AIG1: variants seen among roughly 807,000 people sequenced by gnomAD.
The protein encoded by AIG1 is androgen-induced gene 1 protein.
In AIG1, 23 loss-of-function variants were observed where a neutral mutation model predicts 31.4. The observed-to-expected ratio is 0.73, with a 90% CI of 0.53 to 1.04. AIG1 has a LOEUF of 1.04. Among genes scored for constraint, AIG1 ranks in the 50% least tolerant of loss-of-function variants. The pLI, the probability that AIG1 is intolerant of heterozygous loss-of-function variation, is 0.00. For missense variants in AIG1, 274 were observed against 295.0 expected (o/e 0.93, Z 0.52); for synonymous variants, 100 against 110.5 (o/e 0.90, Z 0.60).
chr6:143,323,898 G>T (rs9376742), intron 4 of AIG1, among the ~76,000 whole-genome samples: 16,739 of 152,214 alleles, frequency 0.11, 1,181 homozygotes, highest in South Asian at 0.17. Flanking sequence ...CAATACTCAG[G>T]CAATGGTCCA....
At chr6:143,248,710 A>T (rs999332218) in intron 3 of AIG1, among the ~76,000 whole-genome samples, 1 of 152,210 alleles carries the variant, frequency 6.6e-6, no homozygotes, top group African/African-American at 2.4e-5. Flanking sequence ...CAAGGCAAAA[A>T]ATAGGTGTGC....
intron 2 of AIG1, 73 bp downstream of exon 2, chr6:143,137,063 A>C: frequency 3.1e-6 from 4 of 1,304,746 alleles, no homozygotes; most frequent in Non-Finnish European, 4.0e-6. Context: ...AGAGAAAAAA[A>C]AAGAGTTCAT....
In AIG1 at chr6:143,330,602, G is replaced by A. The variant is rs1438753356; in HGVS notation, c.516-2680G>A. ...AAGAACCATCTAGGGACTCTGGCTT[G>A]TACTCTGAGTGGGAGAGGAAGCAAG... On this transcript the variant is annotated intron_variant, in intron 4 of 5. Coordinates refer to ENST00000357847, the MANE Select transcript of AIG1 (RefSeq NM_016108.4). The surrounding 1 kb of genome is among the most constrained non-coding windows in gnomAD (Gnocchi z 4.4). 3.9e-5 allele frequency among the ~76,000 whole-genome samples: 6 copies of A among 152,114 alleles called. No homozygotes were observed. Among genetic ancestry groups the A allele is most frequent in the Non-Finnish European group, 4.4e-5 (3 of 68,012 alleles).
At chr6:143,142,772 A>G (rs2128530998) in intron 2 of AIG1, among the ~76,000 whole-genome samples, 1 of 152,252 alleles carries the variant, frequency 6.6e-6, no homozygotes, top group East Asian at 1.9e-4. Context: ...GTATCAACCT[A>G]TTCTAGAATC....
At chr6:143,229,553 A>G (rs936566624) in intron 3 of AIG1, among the ~76,000 whole-genome samples, 1 of 152,124 alleles carries the variant, frequency 6.6e-6, no homozygotes, top group Non-Finnish European at 1.5e-5. Context: ...CATTAATGCT[A>G]CCACACCCTC....
intron 4 of AIG1, among the ~76,000 whole-genome samples, chr6:143,317,770 A>G (rs1775887587): frequency 6.6e-6 from 1 of 152,134 alleles, no homozygotes. Flanking sequence ...GAAAGCTCCT[A>G]GAACTAATAA....
intron 3 of AIG1, among the ~76,000 whole-genome samples, chr6:143,236,700 C>G (rs1793833044): frequency 6.6e-6 from 1 of 152,176 alleles, no homozygotes; most frequent in South Asian, 2.1e-4. Flanking sequence ...CTTTTTTCCT[C>G]TTCAAACTGT....
intron 1 of AIG1, chr6:143,061,599 G>GT: frequency 7.0e-6 from 2 of 287,022 alleles, no homozygotes; most frequent in Middle Eastern, 1.3e-3. Context: ...CTTTGCATCT[G>GT]TTTTTTTCCC....
intron 2 of AIG1, among the ~76,000 whole-genome samples, chr6:143,141,424 G>T (rs1455185488): frequency 1.3e-5 from 2 of 152,170 alleles, no homozygotes; most frequent in African/African-American, 2.4e-5. Flanking sequence ...CCACTTCATG[G>T]TCTCTGTTCA....
intron 2 of AIG1, among the ~76,000 whole-genome samples, chr6:143,147,204 T>C (rs928574896): frequency 9.9e-5 from 15 of 152,140 alleles, no homozygotes; most frequent in African/African-American, 3.6e-4. Flanking sequence ...CGTGAGGAAA[T>C]TGAAGGAAGC....
At chr6:143,240,424 T>C (rs1339898993) in intron 3 of AIG1, among the ~76,000 whole-genome samples, 1 of 152,226 alleles carries the variant, frequency 6.6e-6, no homozygotes, top group Non-Finnish European at 1.5e-5. Context: ...AGTCTATTGA[T>C]CTTAACATGG....
intron 1 of AIG1, among the ~76,000 whole-genome samples, chr6:143,093,636 T>C (rs1279303456): frequency 6.6e-6 from 1 of 152,256 alleles, no homozygotes; most frequent in Non-Finnish European, 1.5e-5. Flanking sequence ...TCTAGGTTTC[T>C]GACATGTCTG....
chr6:143,191,885 A>G (rs957498235), intron 3 of AIG1, among the ~76,000 whole-genome samples: 2 of 152,028 alleles, frequency 1.3e-5, no homozygotes, highest in Non-Finnish European at 2.9e-5. Flanking sequence ...TTCATGAGCC[A>G]GTTATTTGGA....
At chr6:143,285,102 C>T (rs1250872040) in intron 4 of AIG1, among the ~76,000 whole-genome samples, 7 of 151,942 alleles carry the variant, frequency 4.6e-5, no homozygotes, top group Admixed American at 3.9e-4. Context: ...GTACTTAATC[C>T]CCCCAAATCC....
At position 143,109,113 on chromosome 6, in the gene AIG1, G is replaced by GT. The variant is rs59696016; in HGVS notation, c.142-27713dup. 3.4e-4 allele frequency among the ~76,000 whole-genome samples: 52 copies of GT among 151,478 alleles called. No homozygotes were observed. The East Asian group carries it at 8.7e-3, about 25-fold the overall frequency. On this transcript the variant is annotated intron_variant, in intron 1 of 5. Transcript: ENST00000357847. Reference sequence around the variant, plus strand: ...TAGGAATCATGCAGCTTACGTTGCTGTTTTTTTTTCCCCTAGATTCTTTTC... The same window carrying GT: ...TAGGAATCATGCAGCTTACGTTGCTGTTTTTTTTTTCCCCTAGATTCTTTTC...
chr6:143,318,776 C>T (rs181940633), intron 4 of AIG1, among the ~76,000 whole-genome samples: 1 of 150,326 alleles, frequency 6.7e-6, no homozygotes, highest in Non-Finnish European at 1.5e-5. Context: ...TCAAAGAAAT[C>T]AGCAAGGAAA....
intron 4 of AIG1, among the ~76,000 whole-genome samples, chr6:143,314,051 G>T (rs10457745): frequency 0.06 from 9,096 of 151,610 alleles, 565 homozygotes; most frequent in East Asian, 0.28. Flanking sequence ...AAACTGGGAA[G>T]AAAGAAAAAA....
chr6:143,113,052 G>A (rs565283509), intron 1 of AIG1, among the ~76,000 whole-genome samples: 50 of 152,186 alleles, frequency 3.3e-4, no homozygotes, highest in African/African-American at 1.2e-3. Context: ...ACTGGGCATG[G>A]TGGCTCACGT....
At chr6:143,249,506 A>G (rs947883258) in intron 3 of AIG1, among the ~76,000 whole-genome samples, 6 of 152,178 alleles carry the variant, frequency 3.9e-5, no homozygotes, top group African/African-American at 1.4e-4. Context: ...CCAGGACAGG[A>G]CAGTAGCTCC....
Sources: allele counts gnomAD v4.1 joint callset (sites outside exome capture counted in the v4.1 genomes callset), GRCh38; gene constraint gnomAD v4.1.1; non-coding constraint Gnocchi (gnomAD v3.1); transcripts MANE v1.5; gene names NCBI Gene and HGNC (gene_info 2026-07-23, HGNC 2026-07-21).